DLEC1: variants seen among roughly 807,000 people sequenced by gnomAD.
DLEC1 encodes the protein DLEC1 cilia and flagella associated protein.
Under a neutral mutation model 198.1 loss-of-function variants are expected in DLEC1, and 146 were observed. The ratio of observed to expected loss-of-function variants is 0.74; its 90% CI spans 0.64 to 0.85. DLEC1 has a LOEUF of 0.85. Among genes scored for constraint, DLEC1 ranks in the 40% least tolerant of loss-of-function variants. DLEC1 has a pLI of 0.00. For synonymous variants in DLEC1, 897 were observed against 866.8 expected (o/e 1.03, Z -0.61); for missense variants, 2,233 against 2,220.0 (o/e 1.01, Z -0.12).
chr3:38,082,420 G>T (rs1032174465), intron 6 of DLEC1, among the ~76,000 whole-genome samples: 1 of 151,674 alleles, frequency 6.6e-6, no homozygotes, highest in Non-Finnish European at 1.5e-5. Flanking sequence ...CTGCAATCTC[G>T]GCACTTTGGG....
chr3:38,112,570 T>TA lies in DLEC1; in HGVS notation c.3666+211dup, dbSNP rs932022895. 6.6e-6 allele frequency among the ~76,000 whole-genome samples: 1 copy of TA among 152,114 alleles called. No homozygotes were observed. The highest frequency in any genetic ancestry group is 1.5e-5 in the Non-Finnish European group (1 of 68,012). Reference sequence around the variant, plus strand: ...GCATTTCAGGCAGGAGGGGTCCTCATAAGCAGTAGAACTTTCCACACCTTT... The same window carrying TA: ...GCATTTCAGGCAGGAGGGGTCCTCATAAAGCAGTAGAACTTTCCACACCTTT... On this transcript the variant is annotated intron_variant, in intron 25 of 36. Coordinates refer to ENST00000308059, the MANE Select transcript of DLEC1 (RefSeq NM_007335.4). The surrounding 1 kb of genome is among the most constrained non-coding windows in gnomAD (Gnocchi z 4.8).
In DLEC1 at chr3:38,097,284, G is replaced by C. The variant is rs1007285482; in HGVS notation, c.2434+9G>C. 1 of 1,571,076 alleles carries C rather than the reference G, an allele frequency of 6.4e-7. No homozygotes were observed. The highest frequency in any genetic ancestry group is 1.9e-5 in the Admixed American group (1 of 53,984). On this transcript the variant is annotated intron_variant, in intron 16 of 36. Transcript: ENST00000308059. The stretch of plus-strand genomic sequence containing the variant: ...CGGCACAGGGGTCATAGGTACCTTG[G>C]GGACTGCAGGAGGGGTTGTGACCTG...
rs773876792 is a variant in DLEC1 at position 38,122,882 on chromosome 3, GTC to G, written c.*471_*472del. On this transcript the variant is annotated 3_prime_UTR_variant, in exon 37 of 37. Coordinates refer to ENST00000308059, the MANE Select transcript of DLEC1 (RefSeq NM_007335.4). ...AACACCCCACCCACTCCTATACCAT[GTC>G]ATCAGTGTTCACATTTTCCAAATGA... 8.6e-4 allele frequency: 689 copies of G among 796,866 alleles called. 2 individuals carry two copies. The highest frequency in any genetic ancestry group is 1.1e-3 in the Non-Finnish European group (573 of 502,804). The allele number at this position is 796,866 out of a possible 1,614,324, so 49.4% of individuals were successfully genotyped here.
rs376477538 is a variant in DLEC1 at position 38,079,025 on chromosome 3, A to T, written c.1174-5133A>T. Among the ~76,000 whole-genome samples the T allele has an allele frequency of 3.2e-3, 484 of 152,236 alleles. 2 individuals are homozygous for T. Among genetic ancestry groups the T allele is most frequent in the African/African-American group, 0.011 (460 of 41,522 alleles). ...ACATGCTGTGGGATGGGATATTGGCATTGAGCGGGGTAAGGGTGATTAGGT... is the reference window on the plus strand; with the variant it reads ...ACATGCTGTGGGATGGGATATTGGCTTTGAGCGGGGTAAGGGTGATTAGGT... On this transcript the variant is annotated intron_variant, in intron 6 of 36. Transcript: ENST00000308059.
chr3:38,057,575 A>C (rs1013727221), intron 2 of DLEC1, among the ~76,000 whole-genome samples: 2 of 152,272 alleles, frequency 1.3e-5, no homozygotes, highest in African/African-American at 4.8e-5. Flanking sequence ...TTCAGGCGGA[A>C]CACATACAGT....
chr3:38,092,209 A>G (rs1698777860), intron 10 of DLEC1, among the ~76,000 whole-genome samples: 1 of 152,258 alleles, frequency 6.6e-6, no homozygotes, highest in African/African-American at 2.4e-5. Context: ...CAATGGAATA[A>G]CAGCCCTGCA....
chr3:38,093,790 C>T, intron 12 of DLEC1, 23 bp downstream of exon 12: 1 of 1,611,816 alleles, frequency 6.2e-7, no homozygotes, highest in East Asian at 2.2e-5. Flanking sequence ...TGTGTGTGCC[C>T]CAATACCCAA....
chr3:38,084,574 TAGTGGGGG>T (rs1171739339), intron 7 of DLEC1, among the ~76,000 whole-genome samples: 4 of 9,092 alleles, frequency 4.4e-4, no homozygotes, highest in South Asian at 3.4e-3. Flanking sequence ...GTAGTAGTAG[TAGTGGGGG>T]GGTGGTAGTA....
At position 38,039,261 on chromosome 3, in the gene DLEC1, A is replaced by G. The variant is rs755450209; in HGVS notation, c.36A>G (p.Leu12=). ...GGAGCTCCAAAACGCGGAGGTCTTTAGCGTCCCGGACCAACGAGTGCCAGG... is the reference window on the plus strand; with the variant it reads ...GGAGCTCCAAAACGCGGAGGTCTTTGGCGTCCCGGACCAACGAGTGCCAGG... ...ETRSSKTRRS[L]ASRTNECQGT... The change falls in exon 1 of 37, where the codon TTA becomes TTG. Residue 12 remains leucine (L), a synonymous_variant. Coordinates refer to ENST00000308059, the MANE Select transcript of DLEC1 (RefSeq NM_007335.4). 4.3e-6 allele frequency: 7 copies of G among 1,612,842 alleles called. No homozygotes were observed. The Admixed American group carries it at 5.0e-5, about 12-fold the overall frequency.
intron 13 of DLEC1, chr3:38,095,655 T>G (rs558638254): frequency 3.7e-6 from 2 of 542,426 alleles, no homozygotes; most frequent in South Asian, 4.6e-5. Context: ...GGCCTTTGCT[T>G]CTTGCACCCA....
chr3:38,122,966 T>A lies in DLEC1; in HGVS notation c.*554T>A, dbSNP rs975075169. 1.5e-5 allele frequency: 21 copies of A among 1,423,954 alleles called. No homozygotes were observed. Among genetic ancestry groups the A allele is most frequent in the Non-Finnish European group, 2.0e-5 (20 of 1,013,948 alleles). The allele number at this position is 1,423,954 out of a possible 1,614,324, so 88.2% of individuals were successfully genotyped here. ...ACCACCAGTGCTGAGTTTTCCCATG[T>A]GGTTTTGCTTTTGTGGTGTTACTGC... On this transcript the variant is annotated 3_prime_UTR_variant, in exon 37 of 37. Transcript: ENST00000308059.
intron 22 of DLEC1, 75 bp from the exon 23 acceptor site, chr3:38,110,024 C>A: frequency 6.5e-7 from 1 of 1,547,836 alleles, no homozygotes; most frequent in Non-Finnish European, 8.7e-7. Context: ...TGCATGCCCA[C>A]CCAAGATGGC....
At position 38,072,241 on chromosome 3, in the gene DLEC1, G is replaced by A. The variant is rs182605101; in HGVS notation, c.1173+8322G>A. On this transcript the variant is annotated intron_variant, in intron 6 of 36. Coordinates refer to ENST00000308059, the MANE Select transcript of DLEC1 (RefSeq NM_007335.4). ...AAGAGTGAGTGTAGCTGAAGGAGCC[G>A]GGGAGCAGAAAGTATATGCGTCAGG... Among the ~76,000 whole-genome samples the A allele has an allele frequency of 9.2e-5, 14 of 152,238 alleles. 1 individual carries two copies. Among genetic ancestry groups the A allele is most frequent in the South Asian group, 2.1e-4 (1 of 4,820 alleles).
At chr3:38,053,286 G>A (rs1451934330) in intron 2 of DLEC1, among the ~76,000 whole-genome samples, 18 of 150,764 alleles carry the variant, frequency 1.2e-4, no homozygotes, top group Non-Finnish European at 2.2e-4. Context: ...CTGCCCGGCC[G>A]CCCAGTCTGG....
chr3:38,041,302 T>C (rs1700642619), intron 1 of DLEC1, among the ~76,000 whole-genome samples: 1 of 151,920 alleles, frequency 6.6e-6, no homozygotes, highest in African/African-American at 2.4e-5. Context: ...ACATCTGGCC[T>C]AAATTTTTAT....
At chr3:38,064,007 C>CTTTTTTTTTTTTTTTTTTTTT (rs71094947) in intron 6 of DLEC1, 88 bp downstream of exon 6, 1 of 417,582 alleles carries the variant, frequency 2.4e-6, no homozygotes, top group Non-Finnish European at 3.7e-6. Context: ...TTTTTTTTTT[C>CTTTTTTTTTTTTTTTTTTTTT]TTTTTTTTTT....
At position 38,121,720 on chromosome 3, in the gene DLEC1, A is replaced by C; in HGVS notation, c.4959A>C (p.Arg1653=). 6.2e-7 allele frequency: 1 copy of C among 1,614,064 alleles called. No homozygotes were observed. Among genetic ancestry groups the C allele is most frequent in the African/African-American group, 1.3e-5 (1 of 75,026 alleles). The change falls in exon 35 of 37, where the codon CGA becomes CGC. Residue 1653 remains arginine (R), a synonymous_variant. Coordinates refer to ENST00000308059, the MANE Select transcript of DLEC1 (RefSeq NM_007335.4). ...GGACCTGCTTTGTGAGCCAGCAGCG[A>C]GTCCGGGAGGTCTACCTGATGAACC... The part of the protein sequence containing the change: ...DFGTCFVSQQ[R]VREVYLMNLS...
In DLEC1 at chr3:38,084,231, T is replaced by A. The variant is rs1399420897; in HGVS notation, c.1247T>A (p.Phe416Tyr). The A allele has an allele frequency of 1.9e-6, 3 of 1,612,366 alleles. No individual in the cohort carries two copies. The highest frequency in any genetic ancestry group is 1.1e-5 in the South Asian group (1 of 91,074). ...GTCCTCCCGCCTTCCACGCCATACT[T>A]CGCTCTGGGACTGGGTAAGTTCAGT... Reference protein sequence around the residue: ...LRVLPPSTPYFALGLGMFPGK... With the variant: ...LRVLPPSTPYYALGLGMFPGK... The change falls in exon 7 of 37, where the codon TTC becomes TAC. Residue 416 changes from phenylalanine (F) to tyrosine (Y), a missense_variant. Phe to Tyr is a conservative substitution (Grantham distance 22). Coordinates refer to ENST00000308059, the MANE Select transcript of DLEC1 (RefSeq NM_007335.4).
chr3:38,083,938 A>G (rs1205306298), intron 6 of DLEC1, among the ~76,000 whole-genome samples: 1 of 151,706 alleles, frequency 6.6e-6, no homozygotes, highest in Non-Finnish European at 1.5e-5. Context: ...CCTGTATTTT[A>G]TTTTTTACTA....
Sources: gnomAD v4.1 joint callset for allele counts (sites outside exome capture counted in the v4.1 genomes callset) on GRCh38, gnomAD v4.1.1 for gene constraint, Gnocchi (gnomAD v3.1) non-coding constraint, MANE v1.5 for transcripts, NCBI Gene and HGNC (gene_info 2026-07-23, HGNC 2026-07-21) for gene names.